The following AGPS variants were observed in gnomAD, a reference collection of about 807,000 sequenced individuals.
AGPS encodes the protein alkylglycerone phosphate synthase, also known as alkyldihydroxyacetonephosphate synthase, peroxisomal.
AGPS carries 26 observed loss-of-function variants against 90.7 expected under a neutral mutation model. The ratio of observed to expected loss-of-function variants is 0.29; its 90% CI spans 0.21 to 0.40. The LOEUF is 0.40. Among genes scored for constraint, AGPS ranks in the 10% least tolerant of loss-of-function variants. The pLI is 1.00. For missense variants in AGPS, 540 were observed against 816.1 expected, an observed-to-expected ratio of 0.66 and a Z score of 4.12; for synonymous variants, 294 against 285.3, an observed-to-expected ratio of 1.03 and a Z score of -0.31.
chr2:177,514,026 C>T lies in AGPS; in HGVS notation c.1697+118C>T. On this transcript the variant is annotated intron_variant, in intron 17 of 19. Transcript: ENST00000264167. ...GCTTCAGTCTATTACATTTGGCCAG[C>T]TTTCCTAACCTTCACTTACCACCTT... 3 of 745,638 alleles carry T rather than the reference C, an allele frequency of 4.0e-6. No individual in the cohort carries two copies. The South Asian group carries it at 4.9e-5, about 12-fold the overall frequency. 46.2% of individuals were successfully genotyped at this position (745,638 alleles called of 1,614,324 possible). A position where few individuals can be genotyped will look rare whatever the true frequency, so the allele number is the denominator to read the frequency against.
At chr2:177,410,906 A>T (rs1178686962) in intron 1 of AGPS, among the ~76,000 whole-genome samples, 1 of 152,146 alleles carries the variant, frequency 6.6e-6, no homozygotes, top group African/African-American at 2.4e-5. Context: ...TTCCCTTGAC[A>T]TAAGGGGCAT....
intron 18 of AGPS, among the ~76,000 whole-genome samples, chr2:177,522,016 G>C (rs1404688566): frequency 1.3e-5 from 2 of 152,018 alleles, no homozygotes; most frequent in African/African-American, 2.4e-5. Flanking sequence ...GCTAATTTCA[G>C]TAGCACACTT....
chr2:177,532,814 A>G (rs1349910003), intron 19 of AGPS, among the ~76,000 whole-genome samples: 2 of 152,210 alleles, frequency 1.3e-5, no homozygotes, highest in African/African-American at 2.4e-5. Context: ...ACAATGAACT[A>G]TCGATACATG....
At chr2:177,506,672 GTGA>G (rs1269925700) in intron 15 of AGPS, among the ~76,000 whole-genome samples, 3 of 151,850 alleles carry the variant, frequency 2.0e-5, no homozygotes, top group African/African-American at 4.8e-5. Context: ...TGCCCCCACA[GTGA>G]TGATGATAAG....
intron 5 of AGPS, among the ~76,000 whole-genome samples, chr2:177,439,356 G>A (rs1686524908): frequency 6.6e-6 from 1 of 152,180 alleles, no homozygotes; most frequent in African/African-American, 2.4e-5. Context: ...GAACAAGGAT[G>A]TGTAGTGGAA....
intron 16 of AGPS, among the ~76,000 whole-genome samples, chr2:177,513,169 A>G (rs1445409355): frequency 1.3e-5 from 2 of 152,120 alleles, no homozygotes; most frequent in Admixed American, 6.5e-5. Flanking sequence ...ACCATGGCTC[A>G]CTGTAGTCCT....
rs1030580265 is a variant in AGPS, at chr2:177,482,299, A to G, written c.1233+113A>G. The G allele has an allele frequency of 1.2e-5, 7 of 594,038 alleles. No individual in the cohort carries two copies. In the African/African-American group the frequency reaches 1.4e-4, roughly 12 times the overall value. 36.8% of individuals were successfully genotyped at this position (594,038 alleles called of 1,614,324 possible). On this transcript the variant is annotated intron_variant, in intron 11 of 19. Coordinates refer to ENST00000264167, the MANE Select transcript of AGPS (RefSeq NM_003659.4). ...TATGTTACAACTAATCTTCATTTTTAGTTGTATTATATTTGTGGTTTTTAC... is the reference window on the plus strand; with the variant it reads ...TATGTTACAACTAATCTTCATTTTTGGTTGTATTATATTTGTGGTTTTTAC...
At chr2:177,512,995 C>A (rs907254378) in intron 16 of AGPS, among the ~76,000 whole-genome samples, 1 of 152,044 alleles carries the variant, frequency 6.6e-6, no homozygotes, top group Non-Finnish European at 1.5e-5. Context: ...AGACATGCAC[C>A]ACCTTGCCCA....
chr2:177,531,863 G>A (rs572036028), intron 19 of AGPS, among the ~76,000 whole-genome samples: 2 of 150,590 alleles, frequency 1.3e-5, no homozygotes, highest in African/African-American at 2.4e-5. Flanking sequence ...TGAGTTTGAC[G>A]AAAGTACAAA....
rs753630762 is a variant in AGPS at position 177,392,811 on chromosome 2, G to A, written c.22G>A (p.Ala8Thr). 3 of 1,519,050 alleles carry A rather than the reference G, an allele frequency of 2.0e-6. No homozygotes were observed. The allele number at this position is 1,519,050 out of a possible 1,614,324, so 94.1% of individuals were successfully genotyped here. A position where few individuals can be genotyped will look rare whatever the true frequency, so the allele number is the denominator to read the frequency against. MAEAAAA[A>T]GGTGLGAGAS... is the part of the protein sequence containing the mutation. ...AGCCATGGCGGAGGCGGCGGCTGCA[G>A]CGGGTGGGACTGGCTTGGGCGCGGG... Residue 8 changes from alanine (A) to threonine (T), a missense_variant, in exon 1 of 20, where the codon GCG becomes ACG. Transcript: ENST00000264167.
chr2:177,523,568 A>G (rs1645782042), intron 18 of AGPS, among the ~76,000 whole-genome samples, 180 bp from the exon 19 acceptor site: 1 of 152,224 alleles, frequency 6.6e-6, no homozygotes, highest in Admixed American at 6.5e-5. Context: ...AAAACTTATG[A>G]AGCTAGGCTA....
At chr2:177,436,645 C>A in intron 3 of AGPS, 119 bp from the exon 4 acceptor site, 1 of 948,074 alleles carries the variant, frequency 1.1e-6, no homozygotes, top group Non-Finnish European at 1.6e-6. Flanking sequence ...TTTTCCTATG[C>A]TTCAGCCTTA....
chr2:177,478,912 C>T (rs889052550), intron 10 of AGPS, among the ~76,000 whole-genome samples: 13 of 151,640 alleles, frequency 8.6e-5, no homozygotes, highest in African/African-American at 2.4e-4. Context: ...CCTGTGTCTT[C>T]CCAATTACCT....
rs143842233 is a variant in AGPS at position 177,514,881 on chromosome 2, G to A, written c.1697+973G>A. ...TCAAAAGGATCTCCTTAAAGTAGCC[G>A]TTTCTGCTTCTGTGTGGGAGACACT... On this transcript the variant is annotated intron_variant, in intron 17 of 19. Transcript: ENST00000264167. Among the ~76,000 whole-genome samples, 36 of 151,938 alleles carry A rather than the reference G, an allele frequency of 2.4e-4. 1 individual carries two copies. The East Asian group carries it at 6.0e-3, about 25-fold the overall frequency.
chr2:177,421,313 T>C lies in AGPS; in HGVS notation c.350+955T>C, dbSNP rs202058815. Among the ~76,000 whole-genome samples the C allele has an allele frequency of 2.0e-5, 3 of 152,196 alleles. No individual in the cohort carries two copies. The East Asian group carries it at 5.8e-4, about 29-fold the overall frequency. On this transcript the variant is annotated intron_variant, in intron 2 of 19. Transcript: ENST00000264167. ...GTATTGTACCCTGATTTAATATCTA[T>C]TGGACATTACTATACTTAAGTTAAT... is the stretch of plus-strand genomic sequence containing the variant.
In AGPS at chr2:177,442,430, C is replaced by G. The variant is rs545636352; in HGVS notation, c.733C>G (p.Leu245Val). 16 of 1,613,718 alleles carry G rather than the reference C, an allele frequency of 9.9e-6. No individual in the cohort carries two copies. Among genetic ancestry groups the G allele is most frequent in the Non-Finnish European group, 1.4e-5 (16 of 1,179,760 alleles). ...IGGGTSVSYG[L>V]MCPADETRTI... Reference sequence around the variant, plus strand: ...AGGAGGAACAAGTGTTTCATATGGCCTGATGTGTCCTGCAGATGAGACAAG... The same window carrying G: ...AGGAGGAACAAGTGTTTCATATGGCGTGATGTGTCCTGCAGATGAGACAAG... The change falls in exon 7 of 20, where the codon CTG (leucine) becomes GTG (valine). Residue 245 changes from leucine (L) to valine (V), a missense_variant. This residue lies in a region of AGPS where 405 missense variants were observed against 692.1 expected (regional missense o/e 0.59). Coordinates refer to ENST00000264167, the MANE Select transcript of AGPS (RefSeq NM_003659.4).
chr2:177,487,078 A>G (rs1362259823), intron 11 of AGPS, among the ~76,000 whole-genome samples: 3 of 152,174 alleles, frequency 2.0e-5, no homozygotes, highest in Admixed American at 1.3e-4. Context: ...ACGTGTTATT[A>G]TTCTCTAAAA....
At chr2:177,458,273 C>T (rs1370082063) in intron 8 of AGPS, among the ~76,000 whole-genome samples, 1 of 152,196 alleles carries the variant, frequency 6.6e-6, no homozygotes, top group Admixed American at 6.5e-5. Flanking sequence ...TCTTTGAAAA[C>T]TGGCACAAGA....
intron 10 of AGPS, among the ~76,000 whole-genome samples, chr2:177,476,738 A>G (rs1687790515): frequency 1.3e-5 from 2 of 152,104 alleles, no homozygotes; most frequent in South Asian, 4.1e-4. Context: ...TGTTGTGTCC[A>G]TTATAGAAAG....
Sources: gnomAD v4.1 joint callset for allele counts (sites outside exome capture counted in the v4.1 genomes callset) on GRCh38, gnomAD v4.1.1 for gene constraint, gnomAD v4.1.1 regional missense constraint, MANE v1.5 for transcripts, NCBI Gene and HGNC (gene_info 2026-07-23, HGNC 2026-07-21) for gene names.